Variants in IFNGR1 observed in about 807,000 individuals in gnomAD.
IFNGR1 encodes interferon gamma receptor 1.
IFNGR1 carries 23 observed loss-of-function variants against 35.4 expected under a neutral mutation model. That is an observed-to-expected ratio of 0.65 (90% confidence interval 0.47 to 0.92). The LOEUF (loss-of-function observed/expected upper bound fraction) is 0.92, where lower values mean the gene tolerates loss of function less well. Among genes scored for constraint, IFNGR1 ranks in the 40% least tolerant of loss-of-function variants. The pLI, the probability that IFNGR1 is intolerant of heterozygous loss-of-function variation, is 0.00. For missense variants in IFNGR1, 533 were observed against 583.4 expected (o/e 0.91, Z 0.89); for synonymous variants, 199 against 209.5 (o/e 0.95, Z 0.43).
rs11914 is a variant in IFNGR1 at position 137,198,451 on chromosome 6, A to C, written c.1050T>G (p.Ser350=). ...PGKVEHTEEL[S]SITEVVTTEE... ...CAGTAGTCACCACTTCTGTTATACTAGAAAGTTCTTCTGTATGTTCCACTT... is the reference window on the plus strand; with the variant it reads ...CAGTAGTCACCACTTCTGTTATACTCGAAAGTTCTTCTGTATGTTCCACTT... Residue 350 remains serine (S), a synonymous_variant, in exon 7 of 7, where the codon TCT becomes TCG. Transcript: ENST00000367739. 0.15 allele frequency: 237,478 copies of C among 1,614,050 alleles called. 18,538 individuals carry two copies. The highest frequency in any genetic ancestry group is 0.18 in the Middle Eastern group (1,120 of 6,062).
rs774998020 is a variant in IFNGR1, at chr6:137,198,325, G to A, written c.1176C>T (p.Ile392=). 20 of 1,613,216 alleles carry A rather than the reference G, an allele frequency of 1.2e-5. No homozygotes were observed. The highest frequency in any genetic ancestry group is 4.0e-5 in the African/African-American group (3 of 74,290). Residue 392 remains isoleucine (I), a synonymous_variant, in exon 7 of 7, where the codon ATC becomes ATT. Transcript: ENST00000367739. ...TTCTGGAGTGATACGAGTTTAAAGC[G>A]ATGCTGCCAGGTTCAGACTGGTTAC... ...LSSNQSEPGS[I]ALNSYHSRNC...
At chr6:137,202,581 C>A in intron 5 of IFNGR1, among the ~76,000 whole-genome samples, 1 of 140,264 alleles carries the variant, frequency 7.1e-6, no homozygotes, top group African/African-American at 2.7e-5. Flanking sequence ...TAAAAAAATC[C>A]TAAGGAAAAA....
chr6:137,207,862 A>G (rs1003055967), intron 1 of IFNGR1, among the ~76,000 whole-genome samples: 1 of 152,244 alleles, frequency 6.6e-6, no homozygotes, highest in Non-Finnish European at 1.5e-5. Flanking sequence ...GAAAATGTGG[A>G]AGCAACTTTG....
chr6:137,199,355 T>A (rs1172277399), intron 6 of IFNGR1, among the ~76,000 whole-genome samples: 1 of 130,210 alleles, frequency 7.7e-6, no homozygotes, highest in Non-Finnish European at 1.6e-5. Context: ...AATTTATAAT[T>A]TATAATATAT....
At chr6:137,199,359 A>C (rs987304924) in intron 6 of IFNGR1, among the ~76,000 whole-genome samples, 1 of 129,096 alleles carries the variant, frequency 7.7e-6, no homozygotes, top group African/African-American at 3.0e-5. Flanking sequence ...TATAATTTAT[A>C]ATATATTATA....
At chr6:137,199,767 AT>A (rs1422760403) in intron 6 of IFNGR1, among the ~76,000 whole-genome samples, 2 of 150,104 alleles carry the variant, frequency 1.3e-5, no homozygotes, top group African/African-American at 4.9e-5. Context: ...CATCATTATA[AT>A]TTTTAGTAGC....
chr6:137,211,858 TATAA>T (rs1181392652), intron 1 of IFNGR1, among the ~76,000 whole-genome samples: 17 of 152,178 alleles, frequency 1.1e-4, no homozygotes, highest in Admixed American at 8.5e-4. Flanking sequence ...CAATCACACA[TATAA>T]ATATACTTTT....
At position 137,197,734 on chromosome 6, in the gene IFNGR1, C is replaced by T. The variant is rs886061126; in HGVS notation, c.*297G>A. 3.2e-4 allele frequency: 102 copies of T among 318,468 alleles called. No individual in the cohort carries two copies. Among genetic ancestry groups the T allele is most frequent in the Non-Finnish European group, 6.5e-5 (11 of 168,142 alleles). The allele number at this position is 318,468 out of a possible 1,614,324, so 19.7% of individuals were successfully genotyped here. On this transcript the variant is annotated 3_prime_UTR_variant, in exon 7 of 7. Coordinates refer to ENST00000367739, the MANE Select transcript of IFNGR1 (RefSeq NM_000416.3). ...GGCTACAAAGGTCCCTGGGGCATCA[C>T]CTGCTCACCTAGGAACCAGGAGTAC...
intron 1 of IFNGR1, chr6:137,218,622 T>C: frequency 1.9e-6 from 1 of 519,084 alleles, no homozygotes; most frequent in Non-Finnish European, 3.0e-6. Flanking sequence ...AAAGAAGTAT[T>C]TAAGCCACGA....
intron 1 of IFNGR1, chr6:137,215,297 T>A: frequency 6.5e-7 from 1 of 1,549,276 alleles, no homozygotes; most frequent in South Asian, 1.2e-5. Flanking sequence ...TGGAGAAGAC[T>A]ATTTTCTGGT....
chr6:137,218,986 G>A (rs1032740890), intron 1 of IFNGR1: 11 of 575,490 alleles, frequency 1.9e-5, no homozygotes, highest in African/African-American at 1.9e-4. Context: ...TGGATTACAA[G>A]AGTCGGAAAA....
intron 1 of IFNGR1, among the ~76,000 whole-genome samples, chr6:137,217,848 T>C (rs189478524): frequency 1.3e-5 from 2 of 152,284 alleles, no homozygotes; most frequent in South Asian, 2.1e-4. Flanking sequence ...CACACACACT[T>C]TACAATAGAA....
Position 137,219,360 on chromosome 6 carries a change from A to G in IFNGR1, c.-33T>C. 6.3e-7 allele frequency: 1 copy of G among 1,581,254 alleles called. No homozygotes were observed. Among genetic ancestry groups the G allele is most frequent in the Non-Finnish European group, 8.6e-7 (1 of 1,164,064 alleles). On this transcript the variant is annotated 5_prime_UTR_variant, in exon 1 of 7. Coordinates refer to ENST00000367739, the MANE Select transcript of IFNGR1 (RefSeq NM_000416.3). ...CCGACGGTCGCTGGCTCCAACCCCG[A>G]GCGCCTGCGGGACCAGCCCAGCACT...
chr6:137,206,737 C>T (rs1243240438), intron 2 of IFNGR1: 1 of 546,760 alleles, frequency 1.8e-6, no homozygotes. Flanking sequence ...TCATGCTAAT[C>T]TCAGAAGTTT....
intron 5 of IFNGR1, among the ~76,000 whole-genome samples, chr6:137,201,468 A>T (rs931919535): frequency 1.3e-5 from 2 of 152,156 alleles, no homozygotes; most frequent in African/African-American, 4.8e-5. Context: ...AGGTCAAGAG[A>T]TCGAGACAAT....
At chr6:137,218,579 G>A in intron 1 of IFNGR1, 1 of 1,036,542 alleles carries the variant, frequency 9.6e-7, no homozygotes, top group Non-Finnish European at 1.3e-6. Context: ...CCTACCCTAA[G>A]CACTTTGAGT....
chr6:137,215,149 A>G, intron 1 of IFNGR1: 1 of 1,295,192 alleles, frequency 7.7e-7, no homozygotes, highest in Middle Eastern at 2.6e-4. Flanking sequence ...TACCAATGAG[A>G]AAACAAAGGC....
intron 5 of IFNGR1, among the ~76,000 whole-genome samples, chr6:137,202,053 G>A (rs1249387527): frequency 6.6e-6 from 1 of 151,702 alleles, no homozygotes; most frequent in Non-Finnish European, 1.5e-5. Flanking sequence ...GCATCCTTTA[G>A]GGCATTTTGT....
intron 3 of IFNGR1, 137 bp downstream of exon 3, chr6:137,205,999 G>T: frequency 2.7e-6 from 2 of 754,254 alleles, no homozygotes; most frequent in Non-Finnish European, 4.5e-6. Flanking sequence ...TGCTCAACCT[G>T]TACTGACTCT....
Sources: gnomAD v4.1 joint callset for allele counts (sites outside exome capture counted in the v4.1 genomes callset) on GRCh38, gnomAD v4.1.1 for gene constraint, MANE v1.5 for transcripts, NCBI Gene and HGNC (gene_info 2026-07-23, HGNC 2026-07-21) for gene names.